Variants in LHFPL6 observed in about 807,000 individuals in gnomAD.
LHFPL6 encodes the protein LHFPL tetraspan subfamily member 6 protein.
In LHFPL6, 9 loss-of-function variants were observed where a neutral mutation model predicts 20.6. The observed-to-expected ratio is 0.44, with a 90% CI of 0.26 to 0.76. The LOEUF (loss-of-function observed/expected upper bound fraction) is 0.76. Among genes scored for constraint, LHFPL6 ranks in the 30% least tolerant of loss-of-function variants. The probability of loss-of-function intolerance (pLI) is 0.20; values close to 1 mark genes in which losing one functional copy is unlikely to be tolerated. For synonymous variants in LHFPL6, 105 were observed against 98.7 expected (o/e 1.06, Z -0.38); for missense variants, 218 against 253.5 (o/e 0.86, Z 0.95).
At chr13:39,411,948 T>C (rs1871248106) in intron 2 of LHFPL6, among the ~76,000 whole-genome samples, 2 of 152,238 alleles carry the variant, frequency 1.3e-5, no homozygotes, top group African/African-American at 4.8e-5. Flanking sequence ...AAGAAGTAGA[T>C]GGATACAGCT....
intron 2 of LHFPL6, among the ~76,000 whole-genome samples, chr13:39,488,249 C>T (rs1383018060): frequency 6.6e-6 from 1 of 152,192 alleles, no homozygotes; most frequent in Non-Finnish European, 1.5e-5. Flanking sequence ...TCCCAGCCTC[C>T]AGAACTGTCA....
chr13:39,441,375 A>G (rs1451641711), intron 2 of LHFPL6, among the ~76,000 whole-genome samples: 7 of 152,078 alleles, frequency 4.6e-5, no homozygotes, highest in Admixed American at 4.6e-4. Context: ...CCCTAGACAT[A>G]GGGATTTAAA....
intron 2 of LHFPL6, among the ~76,000 whole-genome samples, chr13:39,407,845 T>C (rs17059842): frequency 0.019 from 2,887 of 152,284 alleles, 107 homozygotes; most frequent in African/African-American, 0.066. Flanking sequence ...TAATTAGCCA[T>C]CAATAAATAT....
intron 2 of LHFPL6, among the ~76,000 whole-genome samples, chr13:39,554,483 A>G (rs1202726408): frequency 6.6e-6 from 1 of 152,232 alleles, no homozygotes; most frequent in Non-Finnish European, 1.5e-5. Context: ...TGTTCTGAAC[A>G]GTTGAGCATG....
chr13:39,390,629 C>T (rs1047918938), intron 2 of LHFPL6, among the ~76,000 whole-genome samples: 6 of 152,182 alleles, frequency 3.9e-5, no homozygotes, highest in Non-Finnish European at 8.8e-5. Flanking sequence ...CAGACTTCCC[C>T]ACTACGCCAT....
chr13:39,394,537 C>T (rs756517560), intron 2 of LHFPL6, among the ~76,000 whole-genome samples: 13 of 152,178 alleles, frequency 8.5e-5, no homozygotes, highest in Non-Finnish European at 1.6e-4. Context: ...GAGTAGTGAA[C>T]TCATACCTTA....
Position 39,600,217 on chromosome 13 carries a change from A to G in LHFPL6, c.385+615T>C, listed in dbSNP as rs1227398363. ...TATCCCTTTTCTTTTTTTCCACAGC[A>G]AGAGCACCCAGGAAAGTTAAGACCT... On this transcript the variant is annotated intron_variant, in intron 2 of 3. Coordinates refer to ENST00000379589, the MANE Select transcript of LHFPL6 (RefSeq NM_005780.3). Among the ~76,000 whole-genome samples, 11 of 152,330 alleles carry G rather than the reference A, an allele frequency of 7.2e-5. No individual in the cohort carries two copies. The East Asian group carries it at 2.1e-3, about 29-fold the overall frequency.
At chr13:39,525,708 T>C (rs1349195759) in intron 2 of LHFPL6, among the ~76,000 whole-genome samples, 1 of 151,872 alleles carries the variant, frequency 6.6e-6, no homozygotes, top group Non-Finnish European at 1.5e-5. Flanking sequence ...CCAAAAGCCA[T>C]ATCATGAATT....
intron 2 of LHFPL6, among the ~76,000 whole-genome samples, chr13:39,536,002 T>C (rs1220406533): frequency 6.6e-6 from 1 of 152,078 alleles, no homozygotes; most frequent in Non-Finnish European, 1.5e-5. Flanking sequence ...TGACACTACA[T>C]AGGAAAGGAA....
intron 2 of LHFPL6, among the ~76,000 whole-genome samples, chr13:39,504,737 G>C (rs1869413929): frequency 1.3e-5 from 2 of 152,106 alleles, no homozygotes; most frequent in South Asian, 4.1e-4. Context: ...CACATTCTGA[G>C]GTACTGAAGG....
chr13:39,467,250 G>A (rs914516179), intron 2 of LHFPL6, among the ~76,000 whole-genome samples: 1 of 151,944 alleles, frequency 6.6e-6, no homozygotes, highest in Non-Finnish European at 1.5e-5. Context: ...TGGGTGCCAC[G>A]TCTTATTTGT....
At chr13:39,361,925 C>A (rs1869882784) in intron 3 of LHFPL6, among the ~76,000 whole-genome samples, 1 of 151,976 alleles carries the variant, frequency 6.6e-6, no homozygotes, top group African/African-American at 2.4e-5. Context: ...GGGAAAAGGG[C>A]AGGAGGGAGG....
intron 2 of LHFPL6, among the ~76,000 whole-genome samples, chr13:39,573,254 C>CA (rs369516665): frequency 1.1e-4 from 16 of 151,100 alleles, no homozygotes; most frequent in African/African-American, 3.6e-4. Flanking sequence ...TTCTACTAAG[C>CA]AAAAAAAACT....
chr13:39,573,284 C>T (rs1022042897), intron 2 of LHFPL6, among the ~76,000 whole-genome samples: 6 of 152,014 alleles, frequency 3.9e-5, no homozygotes, highest in African/African-American at 1.4e-4. Flanking sequence ...AAATTAACTC[C>T]TGAAATAGAT....
At chr13:39,481,789 T>A (rs371826993) in intron 2 of LHFPL6, among the ~76,000 whole-genome samples, 14 of 152,280 alleles carry the variant, frequency 9.2e-5, no homozygotes, top group African/African-American at 3.1e-4. Context: ...TTAATAAAAA[T>A]TCATTGCAAG....
At chr13:39,515,079 T>C (rs2182782) in intron 2 of LHFPL6, among the ~76,000 whole-genome samples, 99,229 of 152,170 alleles carry the variant, frequency 0.65, 32,766 homozygotes, top group Non-Finnish European at 0.71. Flanking sequence ...TGATGAGACC[T>C]GAATCCCCTT....
intron 2 of LHFPL6, among the ~76,000 whole-genome samples, chr13:39,389,307 T>C (rs1403801407): frequency 1.3e-5 from 2 of 151,716 alleles, no homozygotes. Flanking sequence ...AAAGGAAGAG[T>C]GAGCTTGTGG....
At chr13:39,572,461 C>T (rs1218603024) in intron 2 of LHFPL6, among the ~76,000 whole-genome samples, 1 of 152,084 alleles carries the variant, frequency 6.6e-6, no homozygotes, top group Non-Finnish European at 1.5e-5. Context: ...CAGTCCGATT[C>T]TCAATAAAGG....
intron 2 of LHFPL6, among the ~76,000 whole-genome samples, chr13:39,439,478 A>G (rs1872055393): frequency 6.6e-6 from 1 of 151,740 alleles, no homozygotes; most frequent in South Asian, 2.1e-4. Context: ...ACTTTGGGGG[A>G]CTTTTGGGAA....
Sources: allele counts gnomAD v4.1 joint callset (sites outside exome capture counted in the v4.1 genomes callset), GRCh38; gene constraint gnomAD v4.1.1; transcripts MANE v1.5; gene names NCBI Gene and HGNC (gene_info 2026-07-23, HGNC 2026-07-21).